PIGK: variants seen among roughly 807,000 people sequenced by gnomAD.
PIGK encodes GPI-anchor transamidase.
In PIGK, 42 loss-of-function variants were observed where a neutral mutation model predicts 50.6. The ratio of observed to expected loss-of-function variants is 0.83; its 90% CI spans 0.65 to 1.07. The LOEUF (loss-of-function observed/expected upper bound fraction) is 1.07. Ranked by LOEUF, PIGK falls within the 50% of genes least tolerant of loss-of-function variation. PIGK has a pLI of 0.00. For missense variants in PIGK, 448 were observed against 488.7 expected, an observed-to-expected ratio of 0.92 and a Z score of 0.78; for synonymous variants, 151 against 156.0, an observed-to-expected ratio of 0.97 and a Z score of 0.24.
chr1:77,172,070 A>ATTTTTTTTTTTTTTTTTTTTTT (rs34115617), intron 3 of PIGK, among the ~76,000 whole-genome samples: 2 of 130,938 alleles, frequency 1.5e-5, no homozygotes, highest in Non-Finnish European at 3.2e-5. Flanking sequence ...TCTACATTTA[A>ATTTTTTTTTTTTTTTTTTTTTT]TTTTTTTTTT....
Position 77,169,399 on chromosome 1 carries a change from G to C in PIGK, c.240-4C>G. Reference sequence around the variant, plus strand: ...TGCAAGCATTAGGACAATGTGACTAGGGAAAAAAAATCCAGTAAATATATA... The same window carrying C: ...TGCAAGCATTAGGACAATGTGACTACGGAAAAAAAATCCAGTAAATATATA... On this transcript the variant is annotated splice_polypyrimidine_tract_variant and splice_region_variant and intron_variant, in intron 3 of 10. Coordinates refer to ENST00000370812, the MANE Select transcript of PIGK (RefSeq NM_005482.3). 6.4e-7 allele frequency: 1 copy of C among 1,572,186 alleles called. No homozygotes were observed. Among genetic ancestry groups the C allele is most frequent in the Non-Finnish European group, 8.6e-7 (1 of 1,164,882 alleles).
intron 10 of PIGK, among the ~76,000 whole-genome samples, chr1:77,106,763 C>G (rs1386305305): frequency 3.3e-5 from 5 of 151,744 alleles, no homozygotes; most frequent in Non-Finnish European, 7.4e-5. Flanking sequence ...CTATTTAGCA[C>G]GAGGAAAATG....
At chr1:77,094,729 TTTCCAAAGA>T in intron 10 of PIGK, among the ~76,000 whole-genome samples, 1 of 152,266 alleles carries the variant, frequency 6.6e-6, no homozygotes, top group Non-Finnish European at 1.5e-5. Context: ...AACTATCATT[TTTCCAAAGA>T]TTCAACAACT....
intron 3 of PIGK, among the ~76,000 whole-genome samples, chr1:77,190,488 C>T (rs1655878223): frequency 6.6e-6 from 1 of 152,140 alleles, no homozygotes; most frequent in South Asian, 2.1e-4. Context: ...AGGTTAGATA[C>T]ATGACCTCAT....
intron 9 of PIGK, among the ~76,000 whole-genome samples, chr1:77,139,455 C>T (rs1355217860): frequency 6.6e-6 from 1 of 152,036 alleles, no homozygotes. Context: ...ACATGAGAGC[C>T]CTAAAGCAAG....
chr1:77,104,382 C>T (rs1653618318), intron 10 of PIGK, among the ~76,000 whole-genome samples: 1 of 151,418 alleles, frequency 6.6e-6, no homozygotes, highest in Non-Finnish European at 1.5e-5. Flanking sequence ...TTAAATAAGA[C>T]ACATATAAGA....
chr1:77,133,308 A>C (rs954654229), intron 9 of PIGK, among the ~76,000 whole-genome samples: 1 of 152,158 alleles, frequency 6.6e-6, no homozygotes, highest in African/African-American at 2.4e-5. Flanking sequence ...TTAACTTCAG[A>C]TACCATATTT....
intron 10 of PIGK, among the ~76,000 whole-genome samples, chr1:77,116,914 C>T (rs1338749125): frequency 1.3e-5 from 2 of 152,090 alleles, no homozygotes; most frequent in Non-Finnish European, 2.9e-5. Context: ...CTTGTATTAA[C>T]GTAACTTTTA....
At chr1:77,208,022 G>T (rs1019385648) in intron 2 of PIGK, among the ~76,000 whole-genome samples, 4 of 152,004 alleles carry the variant, frequency 2.6e-5, no homozygotes, top group African/African-American at 9.7e-5. Flanking sequence ...AGGAGTTAAA[G>T]AACGGCCTAG....
chr1:77,173,374 C>T (rs1377912909), intron 3 of PIGK, among the ~76,000 whole-genome samples: 1 of 152,152 alleles, frequency 6.6e-6, no homozygotes, highest in Admixed American at 6.5e-5. Context: ...TTCGGGTCCC[C>T]CATACAACTG....
rs148725038 is a variant in PIGK, at chr1:77,206,645, A to G, written c.234T>C (p.Pro78=). 128 of 1,578,704 alleles carry G rather than the reference A, an allele frequency of 8.1e-5. 2 individuals are homozygous for G. The South Asian group carries it at 1.2e-3, about 15-fold the overall frequency. Residue 78 remains proline, a synonymous_variant, in exon 3 of 11, where the codon CCT becomes CCC. Coordinates refer to ENST00000370812, the MANE Select transcript of PIGK (RefSeq NM_005482.3). ...VYRSVKRLGI[P]DSHIVLMLAD... is the part of the protein sequence containing the mutation. ...GCTTTATTAAGGCTTCTTACCTGTC[A>G]GGAATACCTAGCCTCTTGACACTTC...
intron 10 of PIGK, among the ~76,000 whole-genome samples, chr1:77,120,408 T>C (rs540823261): frequency 3.0e-4 from 46 of 152,156 alleles, no homozygotes; most frequent in African/African-American, 1.1e-3. Flanking sequence ...CTTGTAGACA[T>C]AGGGTTTTGT....
chr1:77,148,242 C>A (rs1415427985), intron 9 of PIGK, among the ~76,000 whole-genome samples: 3 of 152,092 alleles, frequency 2.0e-5, no homozygotes, highest in African/African-American at 2.4e-5. Context: ...CACCTACATA[C>A]AATGAGATAA....
At chr1:77,116,490 T>TGG (rs1653968831) in intron 10 of PIGK, among the ~76,000 whole-genome samples, 1 of 151,968 alleles carries the variant, frequency 6.6e-6, no homozygotes, top group Non-Finnish European at 1.5e-5. Flanking sequence ...TGGCCGAATT[T>TGG]CTCACACATC....
At chr1:77,118,413 G>A (rs1026258282) in intron 10 of PIGK, among the ~76,000 whole-genome samples, 2 of 151,374 alleles carry the variant, frequency 1.3e-5, no homozygotes, top group African/African-American at 4.9e-5. Flanking sequence ...TTAATTTATG[G>A]TTTTTTTGTA....
Position 77,108,067 on chromosome 1 carries a change from T to C in PIGK, c.1071+14208A>G, listed in dbSNP as rs368239593. Among the ~76,000 whole-genome samples, 383 of 152,342 alleles carry C rather than the reference T, an allele frequency of 2.5e-3. 8 individuals carry two copies. The South Asian group carries it at 0.039, about 15-fold the overall frequency. ...CAATTTGCCAGTCTGTGTCTTTTAATTGGAGCATTTAGCCCATTTACATTT... is the reference window on the plus strand; with the variant it reads ...CAATTTGCCAGTCTGTGTCTTTTAACTGGAGCATTTAGCCCATTTACATTT... On this transcript the variant is annotated intron_variant, in intron 10 of 10. Coordinates refer to ENST00000370812, the MANE Select transcript of PIGK (RefSeq NM_005482.3).
At chr1:77,126,091 A>C (rs1654224054) in intron 9 of PIGK, among the ~76,000 whole-genome samples, 1 of 152,098 alleles carries the variant, frequency 6.6e-6, no homozygotes. Context: ...GAGTTTTTGA[A>C]TGTCTGATTC....
At chr1:77,193,139 C>T (rs1385933418) in intron 3 of PIGK, among the ~76,000 whole-genome samples, 1 of 152,098 alleles carries the variant, frequency 6.6e-6, no homozygotes, top group Admixed American at 6.6e-5. Flanking sequence ...GAAGCAAATT[C>T]TTTTCACAAA....
chr1:77,108,298 C>G (rs1653743237), intron 10 of PIGK, among the ~76,000 whole-genome samples: 1 of 152,196 alleles, frequency 6.6e-6, no homozygotes, highest in Admixed American at 6.5e-5. Context: ...GTGACAAAAT[C>G]TCTCAGCATT....
Sources: allele counts gnomAD v4.1 joint callset (sites outside exome capture counted in the v4.1 genomes callset), GRCh38; gene constraint gnomAD v4.1.1; transcripts MANE v1.5; gene names NCBI Gene and HGNC (gene_info 2026-07-23, HGNC 2026-07-21).